The following ACP4 variants were observed in gnomAD, a reference collection of about 807,000 sequenced individuals.
The protein encoded by ACP4 is acid phosphatase 4.
ACP4 carries 49 observed loss-of-function variants against 47.3 expected under a neutral mutation model. The observed-to-expected ratio is 1.04, with a 90% confidence interval of 0.82 to 1.32. The LOEUF is 1.32. Ranked by LOEUF, ACP4 falls within the 40% of genes most tolerant of loss-of-function variation. The probability of loss-of-function intolerance (pLI) is 0.00; values close to 1 mark genes in which losing one functional copy is unlikely to be tolerated. For synonymous variants in ACP4, 299 were observed against 265.3 expected, an observed-to-expected ratio of 1.13 and a Z score of -1.23; for missense variants, 594 against 579.3, an observed-to-expected ratio of 1.03 and a Z score of -0.26.
At position 50,794,984 on chromosome 19, in the gene ACP4, G is replaced by A. The variant is rs774700310; in HGVS notation, c.1165+20G>A. The A allele has an allele frequency of 8.0e-5, 129 of 1,613,356 alleles. No individual in the cohort carries two copies. The highest frequency in any genetic ancestry group is 1.0e-4 in the Non-Finnish European group (123 of 1,179,916). On this transcript the variant is annotated intron_variant, in intron 10 of 10. Coordinates refer to ENST00000270593, the MANE Select transcript of ACP4 (RefSeq NM_033068.3). ...CCCCAGGTGACAGTCCTCTGTGTTG[G>A]GGTGGGAGTGGAGGGTTGCCAAGTC...
At chr19:50,793,507 TCC>T (rs913569805) in intron 6 of ACP4, 175 bp from the exon 7 acceptor site, 84 of 930,356 alleles carry the variant, frequency 9.0e-5, no homozygotes, top group Non-Finnish European at 1.2e-4. Context: ...GGAGCAAGGC[TCC>T]GTTTCAAAAC....
At position 50,795,022 on chromosome 19, in the gene ACP4, C is replaced by T. The variant is rs375593444; in HGVS notation, c.1166-21C>T. 5.6e-6 allele frequency: 9 copies of T among 1,612,642 alleles called. No homozygotes were observed. In the African/African-American group the frequency reaches 1.1e-4, roughly 19 times the overall value. ...GGGTTGCCAAGTCCTGGCACTCACC[C>T]CCCGCGTGTTCTCCCTGCAGCTCCA... is the stretch of plus-strand genomic sequence containing the variant. On this transcript the variant is annotated intron_variant, in intron 10 of 10. Coordinates refer to ENST00000270593, the MANE Select transcript of ACP4 (RefSeq NM_033068.3).
chr19:50,790,586 G>C lies in ACP4; in HGVS notation c.112-8G>C. The stretch of plus-strand genomic sequence containing the variant: ...CCCAGGGCTAGCCCTGACCAGTCCT[G>C]TCCCCAGGTATTCCGCCATGGCGAC... On this transcript the variant is annotated splice_polypyrimidine_tract_variant and splice_region_variant and intron_variant, in intron 1 of 10. Coordinates refer to ENST00000270593, the MANE Select transcript of ACP4 (RefSeq NM_033068.3). The C allele has an allele frequency of 6.5e-7, 1 of 1,549,174 alleles. No individual in the cohort carries two copies. Among genetic ancestry groups the C allele is most frequent in the South Asian group, 1.2e-5 (1 of 84,044 alleles).
chr19:50,794,576 T>C lies in ACP4; in HGVS notation c.981T>C (p.Asp327=), dbSNP rs769947724. 13 of 1,613,762 alleles carry C rather than the reference T, an allele frequency of 8.1e-6. No homozygotes were observed. In the South Asian group the frequency reaches 1.2e-4, roughly 15 times the overall value. ...AGCACCTGGGGAATCCCGCCAAAGA[T>C]GGAGGGTGAGAATGGTTTGGTGCCC... ...FRKHLGNPAK[D]GGNVTVSLFY... is the part of the protein sequence containing the mutation. Residue 327 remains aspartate, a synonymous_variant, in exon 9 of 11, where the codon GAT becomes GAC. Coordinates refer to ENST00000270593, the MANE Select transcript of ACP4 (RefSeq NM_033068.3).
At chr19:50,794,633 A>C (rs2123294330) in intron 9 of ACP4, 52 bp downstream of exon 9, 1 of 1,613,218 alleles carries the variant, frequency 6.2e-7, no homozygotes, top group Non-Finnish European at 8.5e-7. Flanking sequence ...CTCTCAAAGC[A>C]AGGGGTGATG....
At chr19:50,792,655 C>G in intron 6 of ACP4, 1 of 253,740 alleles carries the variant, frequency 3.9e-6, no homozygotes, top group Non-Finnish European at 7.4e-6. Flanking sequence ...GCAGCGGGAG[C>G]TGACCTGAAA....
chr19:50,794,786 G>C lies in ACP4; in HGVS notation c.987G>C (p.Gly329=), dbSNP rs2089541919. Residue 329 remains glycine (G), a splice_region_variant and synonymous_variant, in exon 10 of 11, where the codon GGG becomes GGC. Transcript: ENST00000270593. ...KHLGNPAKDG[G]NVTVSLFYRN... ...GTGCCACCATGTCCTCTCTCTCCAG[G>C]AATGTCACCGTCTCCCTCTTCTACC... 1.3e-6 allele frequency: 2 copies of C among 1,598,852 alleles called. No individual in the cohort carries two copies. Among genetic ancestry groups the C allele is most frequent in the Middle Eastern group, 1.7e-4 (1 of 5,970 alleles).
Position 50,791,728 on chromosome 19 carries a change from G to A in ACP4, c.376G>A (p.Glu126Lys), listed in dbSNP as rs1430210220. 17 of 1,612,994 alleles carry A rather than the reference G, an allele frequency of 1.1e-5. No individual in the cohort carries two copies. The highest frequency in any genetic ancestry group is 1.2e-5 in the Non-Finnish European group (14 of 1,179,896). The change falls in exon 4 of 11, where the codon GAG (glutamate) becomes AAG (lysine). Residue 126 changes from glutamate (E) to lysine (K), a missense_variant. Coordinates refer to ENST00000270593, the MANE Select transcript of ACP4 (RefSeq NM_033068.3). ...AQANLAGLFP[E>K]AAPGSPEARW... ...GGCCAACCTTGCCGGGCTGTTTCCC[G>A]AGGCTGCTCCAGGGAGCCCCGAGGC...
chr19:50,791,347 C>T (rs1353121879), intron 3 of ACP4, among the ~76,000 whole-genome samples: 3 of 152,168 alleles, frequency 2.0e-5, no homozygotes, highest in African/African-American at 7.2e-5. Context: ...ACTCCAAGTC[C>T]TCCAAGCTGC....
chr19:50,790,753 C>T (rs1170072816), intron 2 of ACP4, 21 bp from the exon 3 acceptor site: 1 of 1,545,054 alleles, frequency 6.5e-7, no homozygotes, highest in Non-Finnish European at 8.7e-7. Context: ...GAGTGGTAGG[C>T]TGAGGCTGTT....
Position 50,794,784 on chromosome 19 carries a change from A to G in ACP4, c.987-2A>G. The G allele has an allele frequency of 6.3e-7, 1 of 1,598,320 alleles. No individual in the cohort carries two copies. On this transcript the variant is annotated splice_acceptor_variant, in intron 9 of 10. Coordinates refer to ENST00000270593, the MANE Select transcript of ACP4 (RefSeq NM_033068.3). LOFTEE classifies it high-confidence loss of function. ...AGGTGCCACCATGTCCTCTCTCTCC[A>G]GGAATGTCACCGTCTCCCTCTTCTA... is the stretch of plus-strand genomic sequence containing the variant.
chr19:50,792,003 T>G (rs545383789), intron 4 of ACP4, 70 bp from the exon 5 acceptor site: 656 of 1,493,246 alleles, frequency 4.4e-4, no homozygotes, highest in Non-Finnish European at 5.6e-4. Flanking sequence ...AGAGCCCGGG[T>G]TCCCCCGACC....
At chr19:50,791,174 G>C (rs984805907) in intron 3 of ACP4, among the ~76,000 whole-genome samples, 4 of 152,134 alleles carry the variant, frequency 2.6e-5, no homozygotes, top group Admixed American at 2.6e-4. Context: ...ACTTGATTTC[G>C]ATCTTTGACC....
chr19:50,793,539 A>AAT, intron 6 of ACP4, 145 bp from the exon 7 acceptor site: 1 of 1,184,428 alleles, frequency 8.4e-7, no homozygotes, highest in Non-Finnish European at 1.2e-6. Context: ...CAACAAAAAA[A>AAT]CACTGTTATC....
At position 50,793,924 on chromosome 19, in the gene ACP4, G is replaced by A. The variant is rs746509593; in HGVS notation, c.815G>A (p.Arg272Gln). 35 of 1,613,990 alleles carry A rather than the reference G, an allele frequency of 2.2e-5. No individual in the cohort carries two copies. The highest frequency in any genetic ancestry group is 1.5e-4 in the South Asian group (14 of 91,078). ...LLNAILANFSRVQRLGLPLKM... is the reference protein window; with the variant it reads ...LLNAILANFSQVQRLGLPLKM... The stretch of plus-strand genomic sequence containing the variant: ...AATGCTATCCTTGCAAACTTCTCCC[G>A]GGTCCAGCGCCTGGGGCTGCCCCTC... Residue 272 changes from arginine to glutamine, a missense_variant, in exon 8 of 11, where the codon CGG (arginine) becomes CAG (glutamine). By Grantham distance (43) the Arg-to-Gln change is conservative. Transcript: ENST00000270593.
In ACP4 at chr19:50,795,150, C is replaced by A; in HGVS notation, c.1273C>A (p.Pro425Thr). 6.5e-7 allele frequency: 1 copy of A among 1,542,590 alleles called. No homozygotes were observed. Among genetic ancestry groups the A allele is most frequent in the Non-Finnish European group, 8.7e-7 (1 of 1,147,358 alleles). ...RPGCLRALGG[P>T]V ...AGGGTGCCTGCGGGCCTTGGGGGGC[C>A]CCGTGTGAGCCAGAAACCAGGGCTT... The change falls in exon 11 of 11, where the codon CCC (proline) becomes ACC (threonine). Residue 425 changes from proline (P) to threonine (T), a missense_variant. Pro to Thr is a conservative substitution (Grantham distance 38). Transcript: ENST00000270593.
intron 6 of ACP4, chr19:50,793,090 T>G (rs1258615163): frequency 6.4e-6 from 1 of 155,166 alleles, no homozygotes; most frequent in African/African-American, 2.4e-5. Context: ...TGTTCCATGC[T>G]GTGTGGTGTC....
At position 50,792,270 on chromosome 19, in the gene ACP4, CG is replaced by C. The variant is rs2089516788; in HGVS notation, c.581del (p.Gly194AspfsTer64). The C allele has an allele frequency of 1.9e-6, 3 of 1,613,440 alleles. No homozygotes were observed. Among genetic ancestry groups the C allele is most frequent in the Non-Finnish European group, 2.5e-6 (3 of 1,180,012 alleles). On this transcript the variant is annotated frameshift_variant, in exon 6 of 11. Coordinates refer to ENST00000270593, the MANE Select transcript of ACP4 (RefSeq NM_033068.3). LOFTEE classifies it high-confidence loss of function. ...TGFLSRLENFTGLSLVGEPLR... is the reference protein window; with the variant it reads ...TGFLSRLENFXGLSLVGEPLR... ...TTCCTGAGTCGCCTGGAGAACTTCA[CG>C]GGACTGTCGCTGGTTGGAGAGCCAC...
At position 50,790,778 on chromosome 19, in the gene ACP4, G is replaced by T; in HGVS notation, c.221G>T (p.Gly74Val). The T allele has an allele frequency of 1.3e-6, 2 of 1,547,836 alleles. No individual in the cohort carries two copies. The highest frequency in any genetic ancestry group is 1.7e-6 in the Non-Finnish European group (2 of 1,146,624). Residue 74 changes from glycine to valine, a missense_variant, in exon 3 of 11, where the codon GGG (glycine) becomes GTG (valine). Physicochemically the swap from Gly to Val is moderately radical, Grantham distance 109 (BLOSUM62 -3). Coordinates refer to ENST00000270593, the MANE Select transcript of ACP4 (RefSeq NM_033068.3). ...PRGLGQLTTE[G>V]VRQQLELGRF... ...CTGAGGCTGTTCTGTCCCCAGGAGG[G>T]GGTCCGCCAGCAGCTGGAGCTGGGC...
Sources: allele counts gnomAD v4.1 joint callset (sites outside exome capture counted in the v4.1 genomes callset), GRCh38; gene constraint gnomAD v4.1.1; transcripts MANE v1.5; gene names NCBI Gene and HGNC (gene_info 2026-07-23, HGNC 2026-07-21).